Variants in ST6GALNAC5 observed in about 807,000 individuals in gnomAD.
ST6GALNAC5 encodes the protein alpha-N-acetylgalactosaminide alpha-2,6-sialyltransferase 5.
Under a neutral mutation model 33.6 loss-of-function variants are expected in ST6GALNAC5, and 27 were observed. That is an observed-to-expected ratio of 0.80 (90% confidence interval 0.59 to 1.11). ST6GALNAC5 has a LOEUF of 1.11. ST6GALNAC5 is among the 50% of genes least tolerant of loss of function. The probability of loss-of-function intolerance (pLI) is 0.00; values close to 1 mark genes in which losing one functional copy is unlikely to be tolerated. For synonymous variants in ST6GALNAC5, 194 were observed against 171.2 expected (o/e 1.13, Z -1.04); for missense variants, 428 against 454.0 (o/e 0.94, Z 0.52).
At chr1:76,876,656 G>A (rs954993500) in intron 2 of ST6GALNAC5, among the ~76,000 whole-genome samples, 9 of 152,126 alleles carry the variant, frequency 5.9e-5, no homozygotes, top group Admixed American at 2.0e-4. Flanking sequence ...ACATCGGACC[G>A]TTTCTCCTTC....
chr1:76,934,707 A>G (rs1647180875), intron 2 of ST6GALNAC5, among the ~76,000 whole-genome samples: 1 of 152,024 alleles, frequency 6.6e-6, no homozygotes, highest in South Asian at 2.1e-4. Flanking sequence ...GTGAAAGCCC[A>G]GGGAGTACTG....
intron 2 of ST6GALNAC5, among the ~76,000 whole-genome samples, chr1:76,869,530 G>T (rs1653448095): frequency 1.3e-5 from 2 of 152,114 alleles, no homozygotes; most frequent in South Asian, 4.1e-4. Flanking sequence ...ATTTGAAGCT[G>T]CTCGTATGTT....
At chr1:77,054,408 G>C (rs1459515342) in intron 4 of ST6GALNAC5, among the ~76,000 whole-genome samples, 1 of 152,190 alleles carries the variant, frequency 6.6e-6, no homozygotes, top group Non-Finnish European at 1.5e-5. Context: ...GACCCAGTTG[G>C]CTCTGTTTGC....
chr1:76,995,742 G>A (rs778838498), intron 2 of ST6GALNAC5, among the ~76,000 whole-genome samples: 34 of 151,916 alleles, frequency 2.2e-4, no homozygotes, highest in Admixed American at 3.3e-4. Flanking sequence ...TAGAACCTCC[G>A]TTTTGGGTAA....
chr1:76,973,416 T>TTTATTA (rs144074793), intron 2 of ST6GALNAC5, among the ~76,000 whole-genome samples: 123 of 148,640 alleles, frequency 8.3e-4, no homozygotes, highest in African/African-American at 2.5e-3. Flanking sequence ...AGCAGTCAGG[T>TTTATTA]TTATTATTAT....
chr1:76,877,653 C>T (rs1319592440), intron 2 of ST6GALNAC5, among the ~76,000 whole-genome samples: 2 of 152,242 alleles, frequency 1.3e-5, no homozygotes, highest in Non-Finnish European at 2.9e-5. Flanking sequence ...ATGCAAATGT[C>T]TCACCAATAA....
intron 2 of ST6GALNAC5, among the ~76,000 whole-genome samples, chr1:76,954,472 AT>A (rs1647874660): frequency 6.6e-6 from 1 of 152,098 alleles, no homozygotes; most frequent in Admixed American, 6.6e-5. Context: ...GCAAACCACC[AT>A]GGCACACGTT....
rs952663670 is a variant in ST6GALNAC5, at chr1:76,868,603, A to C, written c.122A>C (p.Gln41Pro). 7.6e-5 allele frequency: 123 copies of C among 1,610,594 alleles called. No homozygotes were observed. Among genetic ancestry groups the C allele is most frequent in the Non-Finnish European group, 9.6e-5 (113 of 1,179,298 alleles). ...AAGGAGCGGCCCCCGCAGCAGCAGC[A>C]GCAGCAGCAGCAACAGCAGCAGCAG... ...GQKERPPQQQ[Q>P]QQQQQQQQAS... The change falls in exon 2 of 5, where the codon CAG (glutamine) becomes CCG (proline). Residue 41 changes from glutamine to proline, a missense_variant. Gln to Pro is a moderately conservative substitution (Grantham distance 76). Transcript: ENST00000477717. This position sits in a 1 kb window ranked among gnomAD's most constrained non-coding sequence, Gnocchi z 4.3.
chr1:76,917,307 C>T (rs753627962), intron 2 of ST6GALNAC5, among the ~76,000 whole-genome samples: 2 of 152,092 alleles, frequency 1.3e-5, no homozygotes, highest in Admixed American at 6.6e-5. Context: ...GAGTAAGATT[C>T]GTGATAGACA....
chr1:76,929,455 C>G (rs1349995072), intron 2 of ST6GALNAC5, among the ~76,000 whole-genome samples: 1 of 152,112 alleles, frequency 6.6e-6, no homozygotes, highest in Non-Finnish European at 1.5e-5. Flanking sequence ...AGGAGGATTC[C>G]TTGAACTGAG....
In ST6GALNAC5 at chr1:76,959,032, C is replaced by T. The variant is rs74090521; in HGVS notation, c.262-85172C>T. On this transcript the variant is annotated intron_variant, in intron 2 of 4. Coordinates refer to ENST00000477717, the MANE Select transcript of ST6GALNAC5 (RefSeq NM_030965.3). The stretch of plus-strand genomic sequence containing the variant: ...CTCCTCCTCTTTGCCAAGCATTCAC[C>T]GGCTGACTTTCGGCTCCAGCAAGGC... 3.9e-3 allele frequency among the ~76,000 whole-genome samples: 601 copies of T among 152,308 alleles called. 5 individuals are homozygous for T. The highest frequency in any genetic ancestry group is 0.014 in the African/African-American group (566 of 41,568).
At chr1:76,904,783 C>T (rs770564083) in intron 2 of ST6GALNAC5, among the ~76,000 whole-genome samples, 2 of 151,930 alleles carry the variant, frequency 1.3e-5, no homozygotes, top group Non-Finnish European at 2.9e-5. Flanking sequence ...TGAGATTGTG[C>T]CACTGCATGC....
chr1:76,882,872 A>C (rs911742208), intron 2 of ST6GALNAC5, among the ~76,000 whole-genome samples: 1 of 151,928 alleles, frequency 6.6e-6, no homozygotes, highest in African/African-American at 2.4e-5. Context: ...TAATTCTCCA[A>C]CCCTACCCCC....
intron 2 of ST6GALNAC5, among the ~76,000 whole-genome samples, chr1:76,977,345 G>C (rs1272136044): frequency 6.6e-6 from 1 of 151,978 alleles, no homozygotes; most frequent in Non-Finnish European, 1.5e-5. Context: ...TCTTTTTGCT[G>C]TCTTGAAATG....
chr1:77,013,144 C>T (rs1379496725), intron 2 of ST6GALNAC5, among the ~76,000 whole-genome samples: 1 of 152,198 alleles, frequency 6.6e-6, no homozygotes, highest in East Asian at 1.9e-4. Context: ...GCAACCAGAA[C>T]TAGCCAGCTG....
At chr1:77,024,318 T>C (rs1451862832) in intron 2 of ST6GALNAC5, among the ~76,000 whole-genome samples, 1 of 152,228 alleles carries the variant, frequency 6.6e-6, no homozygotes. Context: ...TACTCTCCAC[T>C]GTATTCCCTG....
chr1:77,054,296 CAG>C (rs1424202558), intron 4 of ST6GALNAC5, among the ~76,000 whole-genome samples: 2 of 152,214 alleles, frequency 1.3e-5, no homozygotes, highest in Non-Finnish European at 2.9e-5. Context: ...AAACTGGACT[CAG>C]AGAAGTCCTT....
chr1:76,909,256 A>G (rs1051301466), intron 2 of ST6GALNAC5, among the ~76,000 whole-genome samples: 1 of 152,124 alleles, frequency 6.6e-6, no homozygotes, highest in African/African-American at 2.4e-5. Context: ...GTTTATATAA[A>G]TGCTTAAGAT....
At chr1:77,018,745 A>G (rs1650946130) in intron 2 of ST6GALNAC5, among the ~76,000 whole-genome samples, 1 of 152,226 alleles carries the variant, frequency 6.6e-6, no homozygotes, top group African/African-American at 2.4e-5. Context: ...AGTTTTGAGG[A>G]TTAGTGAGCT....
Sources: gnomAD v4.1 joint callset for allele counts (sites outside exome capture counted in the v4.1 genomes callset) on GRCh38, gnomAD v4.1.1 for gene constraint, Gnocchi (gnomAD v3.1) non-coding constraint, MANE v1.5 for transcripts, NCBI Gene and HGNC (gene_info 2026-07-23, HGNC 2026-07-21) for gene names.